Variants in RNF180 observed in about 807,000 individuals in gnomAD.
RNF180 encodes the protein E3 ubiquitin-protein ligase RNF180.
A neutral mutation model predicts 59.2 loss-of-function variants in RNF180; 38 were observed. That is an observed-to-expected ratio of 0.64 (90% CI 0.50 to 0.84). The LOEUF is 0.84. Ranked by LOEUF, RNF180 falls within the 40% of genes least tolerant of loss-of-function variation. The probability of loss-of-function intolerance (pLI) is 0.00; values close to 1 mark genes in which losing one functional copy is unlikely to be tolerated. For missense variants in RNF180, 705 were observed against 700.9 expected (o/e 1.01, Z -0.07); for synonymous variants, 262 against 240.3 (o/e 1.09, Z -0.84).
intron 5 of RNF180, among the ~76,000 whole-genome samples, chr5:64,238,793 C>A (rs938255388): frequency 6.6e-6 from 1 of 152,070 alleles, no homozygotes; most frequent in African/African-American, 2.4e-5. Context: ...TACCTTTACA[C>A]GCTGTTGATT....
At chr5:64,217,996 G>C (rs181602640) in intron 5 of RNF180, among the ~76,000 whole-genome samples, 159 of 152,040 alleles carry the variant, frequency 1.0e-3, no homozygotes, top group Non-Finnish European at 1.8e-3. Flanking sequence ...TTTCTTTTAA[G>C]GGTTCTTTAT....
intron 7 of RNF180, among the ~76,000 whole-genome samples, chr5:64,337,638 TA>T (rs1342070288): frequency 6.6e-6 from 1 of 151,774 alleles, no homozygotes; most frequent in Non-Finnish European, 1.5e-5. Context: ...ATATATCTCT[TA>T]ATGCTATCCC....
chr5:64,174,018 A>C (rs1750095106), intron 1 of RNF180, among the ~76,000 whole-genome samples: 2 of 152,158 alleles, frequency 1.3e-5, no homozygotes, highest in African/African-American at 4.8e-5. Context: ...CTGGCCTGAC[A>C]TAACTGTTTT....
chr5:64,173,615 CCCT>C (rs1271802035), intron 1 of RNF180, among the ~76,000 whole-genome samples: 2 of 151,866 alleles, frequency 1.3e-5, no homozygotes, highest in Admixed American at 1.3e-4. Flanking sequence ...CAATCTCTCT[CCCT>C]CCTCCTTTCC....
intron 5 of RNF180, among the ~76,000 whole-genome samples, chr5:64,223,684 C>CT (rs369993616): frequency 0.018 from 2,764 of 151,354 alleles, 89 homozygotes; most frequent in African/African-American, 0.064. Flanking sequence ...CATATTTTAT[C>CT]TTTTTTTTTG....
chr5:64,346,736 A>G (rs902011359), intron 7 of RNF180, among the ~76,000 whole-genome samples: 3 of 152,200 alleles, frequency 2.0e-5, no homozygotes, highest in Admixed American at 6.6e-5. Flanking sequence ...TCCCAGACCA[A>G]TTAATTCAGT....
intron 5 of RNF180, among the ~76,000 whole-genome samples, chr5:64,318,022 A>G (rs1744155542): frequency 6.6e-6 from 1 of 152,198 alleles, no homozygotes; most frequent in Admixed American, 6.5e-5. Flanking sequence ...GAATGGATCA[A>G]TGGGTGCTCA....
intron 1 of RNF180, among the ~76,000 whole-genome samples, chr5:64,175,983 A>G (rs1750210499): frequency 6.6e-6 from 1 of 152,170 alleles, no homozygotes; most frequent in Non-Finnish European, 1.5e-5. Flanking sequence ...TTTGGTAATT[A>G]GTTCTAACAG....
rs190400297 is a variant in RNF180 at position 64,262,846 on chromosome 5, C to T, written c.1227+45450C>T. ...TTTATTTTCCCTCTAACCTTCCCTACGTTCTCCAAAGGAATATTTGTGGTA... is the reference window on the plus strand; with the variant it reads ...TTTATTTTCCCTCTAACCTTCCCTATGTTCTCCAAAGGAATATTTGTGGTA... On this transcript the variant is annotated intron_variant, in intron 5 of 7. Coordinates refer to ENST00000389100, the MANE Select transcript of RNF180 (RefSeq NM_001113561.2). Among the ~76,000 whole-genome samples the T allele has an allele frequency of 2.4e-3, 367 of 152,260 alleles. 7 individuals are homozygous for T. Among genetic ancestry groups the T allele is most frequent in the Non-Finnish European group, 7.5e-4 (51 of 68,022 alleles).
chr5:64,329,497 G>A (rs548873522), intron 6 of RNF180, among the ~76,000 whole-genome samples: 6 of 131,512 alleles, frequency 4.6e-5, no homozygotes, highest in South Asian at 2.3e-4. Flanking sequence ...TCACTTCTTC[G>A]CCCAGGCTGG....
intron 5 of RNF180, among the ~76,000 whole-genome samples, chr5:64,275,522 T>C (rs568550346): frequency 1.3e-5 from 2 of 151,594 alleles, no homozygotes; most frequent in East Asian, 3.9e-4. Context: ...ATTTAGAAAA[T>C]ATACTTTTTA....
chr5:64,372,512 C>T lies in RNF180; in HGVS notation c.*2698C>T, dbSNP rs532538669. The stretch of plus-strand genomic sequence containing the variant: ...CCTTGGAATCTTGCTCCTAAGTTAG[C>T]TCTGTGGCATAACAAAATTCCAGTT... On this transcript the variant is annotated 3_prime_UTR_variant, in exon 8 of 8. Coordinates refer to ENST00000389100, the MANE Select transcript of RNF180 (RefSeq NM_001113561.2). 6.6e-6 allele frequency: 1 copy of T among 151,924 alleles called. No homozygotes were observed. Among genetic ancestry groups the T allele is most frequent in the Non-Finnish European group, 1.5e-5 (1 of 67,924 alleles). 9.4% of individuals were successfully genotyped at this position (151,924 alleles called of 1,614,324 possible). A position where few individuals can be genotyped will look rare whatever the true frequency, so the allele number is the denominator to read the frequency against.
intron 5 of RNF180, among the ~76,000 whole-genome samples, chr5:64,251,341 C>T (rs1743561288): frequency 6.6e-6 from 1 of 152,186 alleles, no homozygotes; most frequent in Non-Finnish European, 1.5e-5. Context: ...CGACCCTAGC[C>T]ATAGCAATTA....
At chr5:64,346,292 G>T (rs1580287718) in intron 7 of RNF180, among the ~76,000 whole-genome samples, 2 of 131,262 alleles carry the variant, frequency 1.5e-5, no homozygotes, top group East Asian at 4.5e-4. Context: ...CTAAGGTTTG[G>T]TTTGTTTTTT....
At chr5:64,314,500 T>C (rs1743938048) in intron 5 of RNF180, among the ~76,000 whole-genome samples, 1 of 152,124 alleles carries the variant, frequency 6.6e-6, no homozygotes, top group African/African-American at 2.4e-5. Flanking sequence ...TGCTTTCTGT[T>C]TCCTAATGTG....
chr5:64,168,493 A>G (rs1176698491), intron 1 of RNF180, among the ~76,000 whole-genome samples: 2 of 152,192 alleles, frequency 1.3e-5, no homozygotes, highest in Non-Finnish European at 2.9e-5. Context: ...CTCTGTTGTA[A>G]CCTATCAATT....
At chr5:64,272,392 A>C (rs1186356548) in intron 5 of RNF180, among the ~76,000 whole-genome samples, 1 of 151,994 alleles carries the variant, frequency 6.6e-6, no homozygotes, top group Non-Finnish European at 1.5e-5. Context: ...CCCAGAGAAG[A>C]ATGGTACATT....
chr5:64,342,234 G>T (rs1745384177), intron 7 of RNF180, among the ~76,000 whole-genome samples: 1 of 152,116 alleles, frequency 6.6e-6, no homozygotes, highest in Non-Finnish European at 1.5e-5. Flanking sequence ...ACAAATTTGA[G>T]ATATATGGAA....
At chr5:64,290,943 C>G (rs1430257562) in intron 5 of RNF180, among the ~76,000 whole-genome samples, 1 of 151,960 alleles carries the variant, frequency 6.6e-6, no homozygotes, top group African/African-American at 2.4e-5. Flanking sequence ...TAGTTGTGTA[C>G]TTCAGTGTGT....
Sources: allele counts gnomAD v4.1 joint callset (sites outside exome capture counted in the v4.1 genomes callset), GRCh38; gene constraint gnomAD v4.1.1; transcripts MANE v1.5; gene names NCBI Gene and HGNC (gene_info 2026-07-23, HGNC 2026-07-21).